Variants in RASGRF2 observed in about 807,000 individuals in gnomAD.
RASGRF2 encodes Ras protein specific guanine nucleotide releasing factor 2.
Under a neutral mutation model 151.0 loss-of-function variants are expected in RASGRF2, and 76 were observed. That is an observed-to-expected ratio of 0.50 (90% CI 0.42 to 0.61). The LOEUF is 0.61. RASGRF2 is among the 20% of genes least tolerant of loss of function. RASGRF2 has a pLI of 0.00. For synonymous variants in RASGRF2, 504 were observed against 566.5 expected (o/e 0.89, Z 1.57); for missense variants, 1,148 against 1,564.6 (o/e 0.73, Z 4.49).
chr5:81,183,963 C>T (rs1046094117), intron 18 of RASGRF2, among the ~76,000 whole-genome samples: 1 of 152,356 alleles, frequency 6.6e-6, no homozygotes, highest in Admixed American at 6.5e-5. Context: ...ACCCTACAAC[C>T]AGCCTGTAAG....
At chr5:81,136,773 G>T (rs939912786) in intron 17 of RASGRF2, among the ~76,000 whole-genome samples, 2 of 152,086 alleles carry the variant, frequency 1.3e-5, no homozygotes, top group Admixed American at 1.3e-4. Context: ...CACAGTTCTT[G>T]TATGTGCTCT....
At position 81,085,679 on chromosome 5, in the gene RASGRF2, G is replaced by A. The variant is rs190751737; in HGVS notation, c.1162-123G>A. 586 of 1,432,740 alleles carry A rather than the reference G, an allele frequency of 4.1e-4. 5 individuals carry two copies. In the East Asian group the frequency reaches 0.011, roughly 27 times the overall value. The allele number at this position is 1,432,740 out of a possible 1,614,324, so 88.8% of individuals were successfully genotyped here. ...TATTTGTATTTCTTTTTTAAAAAAT[G>A]TGTAAAACAGTAAAAAGTGGGAGAG... On this transcript the variant is annotated intron_variant, in intron 7 of 26. Coordinates refer to ENST00000265080, the MANE Select transcript of RASGRF2 (RefSeq NM_006909.3).
intron 15 of RASGRF2, 72 bp from the exon 16 acceptor site, chr5:81,123,570 C>A: frequency 6.6e-7 from 1 of 1,524,084 alleles, no homozygotes; most frequent in Non-Finnish European, 8.9e-7. Flanking sequence ...ACTTTTGTTT[C>A]CATGCATGAT....
intron 18 of RASGRF2, among the ~76,000 whole-genome samples, chr5:81,185,734 G>A (rs907549769): frequency 9.2e-5 from 14 of 152,322 alleles, no homozygotes; most frequent in African/African-American, 3.4e-4. Context: ...GTAGAGAGGT[G>A]GTGGAGACAG....
chr5:81,131,261 G>A (rs1182735465), intron 17 of RASGRF2, among the ~76,000 whole-genome samples: 3 of 152,116 alleles, frequency 2.0e-5, no homozygotes, highest in African/African-American at 7.2e-5. Context: ...TTATTTGTGG[G>A]TGGTGCCCTG....
chr5:80,989,038 T>C (rs1263395273), intron 1 of RASGRF2, among the ~76,000 whole-genome samples: 1 of 151,898 alleles, frequency 6.6e-6, no homozygotes, highest in Admixed American at 6.6e-5. Flanking sequence ...TGTGCAGTGG[T>C]GCAATCTTGG....
chr5:81,209,139 G>A (rs556046939), intron 22 of RASGRF2, among the ~76,000 whole-genome samples: 6 of 152,260 alleles, frequency 3.9e-5, no homozygotes, highest in Middle Eastern at 3.4e-3. Flanking sequence ...ATTACTGAAC[G>A]TTCAGCCTGA....
chr5:81,058,775 C>CAAAAAAAAAAA (rs56875865), intron 2 of RASGRF2, among the ~76,000 whole-genome samples: 3 of 70,114 alleles, frequency 4.3e-5, no homozygotes, highest in African/African-American at 1.7e-4. Context: ...GGCCCTGTAT[C>CAAAAAAAAAAA]AAAAAAAAAA....
chr5:81,164,118 A>G (rs928080860), intron 17 of RASGRF2, among the ~76,000 whole-genome samples: 1 of 152,246 alleles, frequency 6.6e-6, no homozygotes, highest in Non-Finnish European at 1.5e-5. Flanking sequence ...CTATAAAATA[A>G]TTATAGTAAC....
intron 1 of RASGRF2, among the ~76,000 whole-genome samples, chr5:80,983,907 G>C (rs1748392978): frequency 6.6e-6 from 1 of 152,150 alleles, no homozygotes; most frequent in African/African-American, 2.4e-5. Flanking sequence ...GTGGCCACTA[G>C]CAAATTCAAA....
intron 24 of RASGRF2, among the ~76,000 whole-genome samples, chr5:81,216,616 T>G (rs1196470131): frequency 6.6e-6 from 1 of 152,256 alleles, no homozygotes; most frequent in Non-Finnish European, 1.5e-5. Flanking sequence ...AAGTGCTTGA[T>G]GTGTCTTATG....
intron 1 of RASGRF2, among the ~76,000 whole-genome samples, chr5:80,983,358 T>C (rs1748372847): frequency 6.6e-6 from 1 of 152,192 alleles, no homozygotes; most frequent in African/African-American, 2.4e-5. Flanking sequence ...CCTGCTCTCA[T>C]TGCGATGACT....
At chr5:80,994,311 A>G (rs1439029586) in intron 1 of RASGRF2, among the ~76,000 whole-genome samples, 1 of 148,026 alleles carries the variant, frequency 6.8e-6, no homozygotes, top group Non-Finnish European at 1.5e-5. Context: ...GCTTGCAGTG[A>G]GCCGAGATTG....
At chr5:80,991,321 G>A (rs1033856943) in intron 1 of RASGRF2, among the ~76,000 whole-genome samples, 7 of 152,052 alleles carry the variant, frequency 4.6e-5, no homozygotes, top group Admixed American at 3.3e-4. Flanking sequence ...TGTGTTGGGG[G>A]GCCTGAGGTG....
intron 18 of RASGRF2, among the ~76,000 whole-genome samples, chr5:81,181,017 C>T (rs917194498): frequency 2.0e-5 from 3 of 152,138 alleles, no homozygotes; most frequent in African/African-American, 7.2e-5. Context: ...TGCCTGGCAC[C>T]CTGCAAGGAG....
At chr5:81,182,953 T>C (rs13187728) in intron 18 of RASGRF2, among the ~76,000 whole-genome samples, 123,875 of 152,190 alleles carry the variant, frequency 0.81, 50,694 homozygotes, top group Middle Eastern at 0.89. Context: ...CCCTTATTGT[T>C]TTTGGTTTTC....
intron 17 of RASGRF2, among the ~76,000 whole-genome samples, chr5:81,129,849 T>G (rs983795090): frequency 6.6e-6 from 1 of 152,150 alleles, no homozygotes; most frequent in Non-Finnish European, 1.5e-5. Context: ...AATTTAAATA[T>G]GGTTTGTGAG....
intron 22 of RASGRF2, among the ~76,000 whole-genome samples, chr5:81,210,822 T>C (rs1356261587): frequency 6.6e-6 from 1 of 152,060 alleles, no homozygotes; most frequent in Non-Finnish European, 1.5e-5. Context: ...CCCACCTCTG[T>C]CCCCTTGCTC....
rs1747502357 is a variant in RASGRF2, at chr5:80,960,382, C to A, written c.-357C>A. ...GAGGACAGTCCTTCCCCGGCTGCCG[C>A]CCCAGCCCGCCGCGGGGGCTCGGCT... On this transcript the variant is annotated 5_prime_UTR_variant, in exon 1 of 27. Coordinates refer to ENST00000265080, the MANE Select transcript of RASGRF2 (RefSeq NM_006909.3). This position sits in a 1 kb window ranked among gnomAD's most constrained non-coding sequence, Gnocchi z 5.5. Among the ~76,000 whole-genome samples, 2 of 151,092 alleles carry A rather than the reference C, an allele frequency of 1.3e-5. No homozygotes were observed. Among genetic ancestry groups the A allele is most frequent in the Admixed American group, 1.3e-4 (2 of 15,164 alleles).
Sources: gnomAD v4.1 joint callset for allele counts (sites outside exome capture counted in the v4.1 genomes callset) on GRCh38, gnomAD v4.1.1 for gene constraint, Gnocchi (gnomAD v3.1) non-coding constraint, MANE v1.5 for transcripts, NCBI Gene and HGNC (gene_info 2026-07-23, HGNC 2026-07-21) for gene names.